The following ZNF804B variants were observed in gnomAD, a reference collection of about 807,000 sequenced individuals.
ZNF804B encodes zinc finger protein 804B, also known as zinc finger 804B.
In ZNF804B, 80 loss-of-function variants were observed where a neutral mutation model predicts 101.4. The ratio of observed to expected loss-of-function variants is 0.79; its 90% CI spans 0.66 to 0.95. The LOEUF is 0.95. ZNF804B is among the 40% of genes least tolerant of loss of function. ZNF804B has a pLI of 0.00. For missense variants in ZNF804B, 1,673 were observed against 1,561.9 expected, an observed-to-expected ratio of 1.07 and a Z score of -1.20; for synonymous variants, 622 against 558.8, an observed-to-expected ratio of 1.11 and a Z score of -1.59.
At chr7:89,010,706 T>G (rs1184877405) in intron 1 of ZNF804B, among the ~76,000 whole-genome samples, 1 of 152,220 alleles carries the variant, frequency 6.6e-6, no homozygotes, top group Admixed American at 6.5e-5. Context: ...AGTTACATGT[T>G]GTAAAGCTCT....
intron 1 of ZNF804B, among the ~76,000 whole-genome samples, chr7:88,857,006 C>T (rs567050077): frequency 1.8e-4 from 27 of 151,902 alleles, no homozygotes; most frequent in Non-Finnish European, 2.2e-4. Flanking sequence ...GGATTCGGTT[C>T]GCCAGTATTT....
intron 2 of ZNF804B, among the ~76,000 whole-genome samples, chr7:89,315,993 C>T (rs1562943992): frequency 6.6e-6 from 1 of 152,010 alleles, no homozygotes. Flanking sequence ...TAAGAAATAC[C>T]TCTGTACAAT....
chr7:88,934,030 T>A (rs1295263565), intron 1 of ZNF804B, among the ~76,000 whole-genome samples: 1 of 151,552 alleles, frequency 6.6e-6, no homozygotes, highest in Admixed American at 6.6e-5. Context: ...ACTACATGGC[T>A]ATAGTTACCA....
chr7:89,319,421 T>C (rs1001264190), intron 2 of ZNF804B, among the ~76,000 whole-genome samples: 9 of 152,160 alleles, frequency 5.9e-5, no homozygotes, highest in African/African-American at 2.2e-4. Flanking sequence ...TCAAAAACCC[T>C]CATCCAAAAA....
At chr7:89,124,570 A>G (rs1203073067) in intron 1 of ZNF804B, among the ~76,000 whole-genome samples, 1 of 152,166 alleles carries the variant, frequency 6.6e-6, no homozygotes, top group Non-Finnish European at 1.5e-5. Context: ...GTTTCCCTTC[A>G]TTTATAACTG....
chr7:89,023,069 G>A (rs1413638102), intron 1 of ZNF804B, among the ~76,000 whole-genome samples: 1 of 152,110 alleles, frequency 6.6e-6, no homozygotes, highest in Non-Finnish European at 1.5e-5. Flanking sequence ...AACAAAATGA[G>A]ATAGTATAGG....
chr7:89,075,427 C>G (rs1405676279), intron 1 of ZNF804B, among the ~76,000 whole-genome samples: 1 of 152,162 alleles, frequency 6.6e-6, no homozygotes, highest in Non-Finnish European at 1.5e-5. Flanking sequence ...GCTGTGGCTT[C>G]AGAGGGTGCA....
At position 89,292,620 on chromosome 7, in the gene ZNF804B, A is replaced by G. The variant is rs112552020; in HGVS notation, c.250-34724A>G. Among the ~76,000 whole-genome samples, 533 of 152,120 alleles carry G rather than the reference A, an allele frequency of 3.5e-3. 5 individuals are homozygous for G. Among genetic ancestry groups the G allele is most frequent in the African/African-American group, 0.012 (510 of 41,540 alleles). ...ATGAGAAAAAATCACCTTCACTGAA[A>G]ATAGACAAAAAAAGAAGTAAAGAAC... On this transcript the variant is annotated intron_variant, in intron 2 of 3. Transcript: ENST00000333190.
At chr7:89,222,769 T>C (rs1330637096) in intron 2 of ZNF804B, among the ~76,000 whole-genome samples, 1 of 151,958 alleles carries the variant, frequency 6.6e-6, no homozygotes, top group East Asian at 1.9e-4. Flanking sequence ...TGAGATTTCA[T>C]GGTAAACTAA....
intron 1 of ZNF804B, among the ~76,000 whole-genome samples, chr7:89,042,492 G>T (rs1222393794): frequency 6.6e-6 from 1 of 152,128 alleles, no homozygotes; most frequent in African/African-American, 2.4e-5. Context: ...CCAAATCTGA[G>T]ATTTTTTTTC....
rs554256317 is a variant in ZNF804B at position 89,112,821 on chromosome 7, G to A, written c.109-105334G>A. 5.9e-5 allele frequency among the ~76,000 whole-genome samples: 9 copies of A among 152,226 alleles called. No homozygotes were observed. In the South Asian group the frequency reaches 6.2e-4, roughly 11 times the overall value. On this transcript the variant is annotated intron_variant, in intron 1 of 3. Coordinates refer to ENST00000333190, the MANE Select transcript of ZNF804B (RefSeq NM_181646.5). ...ACCTCAAATTAGGACAACTAGGTGC[G>A]TCTTGACCCTCAGTTGGGTATAAAC...
intron 2 of ZNF804B, among the ~76,000 whole-genome samples, chr7:89,302,871 G>C (rs1178953775): frequency 6.6e-6 from 1 of 151,828 alleles, no homozygotes; most frequent in Non-Finnish European, 1.5e-5. Flanking sequence ...CAACCTGATG[G>C]CAATAAATTG....
intron 1 of ZNF804B, among the ~76,000 whole-genome samples, chr7:88,974,923 C>T (rs1584048636): frequency 6.6e-6 from 1 of 151,158 alleles, no homozygotes; most frequent in Admixed American, 6.6e-5. Context: ...TAACCATTTC[C>T]ACCCCCTGAC....
intron 1 of ZNF804B, among the ~76,000 whole-genome samples, chr7:89,107,962 T>G (rs1790160919): frequency 6.6e-6 from 1 of 152,078 alleles, no homozygotes; most frequent in Admixed American, 6.6e-5. Flanking sequence ...AAAGTTGTAC[T>G]GTGGGCCATA....
chr7:88,906,827 G>C (rs1792477449), intron 1 of ZNF804B, among the ~76,000 whole-genome samples: 1 of 151,936 alleles, frequency 6.6e-6, no homozygotes, highest in East Asian at 1.9e-4. Context: ...TGCTGTTAAT[G>C]GTGTGTTAAA....
chr7:89,254,755 C>T (rs2115796695), intron 2 of ZNF804B, among the ~76,000 whole-genome samples: 1 of 151,834 alleles, frequency 6.6e-6, no homozygotes, highest in East Asian at 2.0e-4. Flanking sequence ...AAGCAATTCT[C>T]CTGCCTCAGC....
intron 1 of ZNF804B, among the ~76,000 whole-genome samples, chr7:88,877,042 TA>T (rs1305047847): frequency 1.6e-3 from 81 of 50,092 alleles, no homozygotes; most frequent in South Asian, 3.3e-3. Context: ...TATATATATA[TA>T]TATATATTTT....
At position 89,132,595 on chromosome 7, in the gene ZNF804B, A is replaced by G. The variant is rs192539018; in HGVS notation, c.109-85560A>G. Among the ~76,000 whole-genome samples, 473 of 152,148 alleles carry G rather than the reference A, an allele frequency of 3.1e-3. 4 individuals carry two copies. Among genetic ancestry groups the G allele is most frequent in the African/African-American group, 0.011 (456 of 41,546 alleles). On this transcript the variant is annotated intron_variant, in intron 1 of 3. Coordinates refer to ENST00000333190, the MANE Select transcript of ZNF804B (RefSeq NM_181646.5). ...TCTGTACACACTTCCATTGTCAGTA[A>G]AATGGAGGTAAACTATCATATCAAT...
chr7:89,061,763 C>G (rs1031216373), intron 1 of ZNF804B, among the ~76,000 whole-genome samples: 24 of 152,010 alleles, frequency 1.6e-4, no homozygotes, highest in African/African-American at 5.6e-4. Flanking sequence ...TATAAATGAT[C>G]ACATTTATCA....
Sources: gnomAD v4.1 joint callset for allele counts (sites outside exome capture counted in the v4.1 genomes callset) on GRCh38, gnomAD v4.1.1 for gene constraint, MANE v1.5 for transcripts, NCBI Gene and HGNC (gene_info 2026-07-23, HGNC 2026-07-21) for gene names.